The following MTUS2 variants were observed in gnomAD, a reference collection of about 807,000 sequenced individuals.
MTUS2 encodes the protein microtubule associated scaffold protein 2.
In MTUS2, 40 loss-of-function variants were observed where a neutral mutation model predicts 114.1. The ratio of observed to expected loss-of-function variants is 0.35; its 90% CI spans 0.27 to 0.46. The LOEUF (loss-of-function observed/expected upper bound fraction) is 0.46. Ranked by LOEUF, MTUS2 falls within the 20% of genes least tolerant of loss-of-function variation. MTUS2 has a pLI of 1.00. For synonymous variants in MTUS2, 688 were observed against 672.0 expected, an observed-to-expected ratio of 1.02 and a Z score of -0.37; for missense variants, 1,679 against 1,705.4, an observed-to-expected ratio of 0.98 and a Z score of 0.27.
intron 13 of MTUS2, chr13:29,497,850 A>G (rs1234988752): frequency 6.1e-6 from 1 of 164,088 alleles, no homozygotes; most frequent in African/African-American, 2.4e-5. Context: ...GTCCCATGCA[A>G]TACTTATACT....
At chr13:28,952,873 G>C (rs1489090402) in intron 2 of MTUS2, among the ~76,000 whole-genome samples, 2 of 152,160 alleles carry the variant, frequency 1.3e-5, no homozygotes, top group African/African-American at 4.8e-5. Context: ...ATTAGGAATA[G>C]TGGTATAATA....
chr13:29,115,980 C>G (rs1347154335), intron 5 of MTUS2, among the ~76,000 whole-genome samples: 2 of 152,160 alleles, frequency 1.3e-5, no homozygotes, highest in African/African-American at 4.8e-5. Flanking sequence ...CTAGACCAAC[C>G]AGGCATTATA....
At chr13:29,087,449 G>C (rs1018762545) in intron 4 of MTUS2, among the ~76,000 whole-genome samples, 6 of 152,152 alleles carry the variant, frequency 3.9e-5, no homozygotes, top group Non-Finnish European at 8.8e-5. Context: ...CAAGAATAAA[G>C]CCTACTTGAT....
intron 2 of MTUS2, among the ~76,000 whole-genome samples, chr13:29,003,736 TGGATGATACCCG>T (rs889165144): frequency 2.0e-5 from 3 of 152,170 alleles, no homozygotes; most frequent in African/African-American, 7.2e-5. Context: ...AGGAAGGCCA[TGGATGATACCCG>T]GGTGATAGAC....
intron 5 of MTUS2, among the ~76,000 whole-genome samples, chr13:29,200,189 C>T (rs1183227347): frequency 6.6e-6 from 1 of 151,756 alleles, no homozygotes; most frequent in Non-Finnish European, 1.5e-5. Context: ...TCTCTGTCTC[C>T]TTCAGTTCTG....
chr13:29,103,252 C>A (rs961167456), intron 5 of MTUS2, among the ~76,000 whole-genome samples: 2 of 152,186 alleles, frequency 1.3e-5, no homozygotes, highest in Non-Finnish European at 2.9e-5. Context: ...TGTTGTTAGG[C>A]AGTGTCATCG....
At chr13:29,187,880 C>T (rs139737634) in intron 5 of MTUS2, among the ~76,000 whole-genome samples, 32 of 152,192 alleles carry the variant, frequency 2.1e-4, no homozygotes, top group African/African-American at 7.7e-4. Context: ...ATAATGTGTC[C>T]CTTACCCAAA....
chr13:29,332,639 T>C (rs565431167), intron 7 of MTUS2, among the ~76,000 whole-genome samples: 6 of 95,834 alleles, frequency 6.3e-5, no homozygotes, highest in African/African-American at 1.3e-4. Flanking sequence ...AATTCTTTTT[T>C]TTTTTTTTTT....
chr13:29,408,914 C>T (rs1232383008), intron 8 of MTUS2, among the ~76,000 whole-genome samples: 1 of 152,206 alleles, frequency 6.6e-6, no homozygotes, highest in Non-Finnish European at 1.5e-5. Context: ...CGCAATTCCT[C>T]AGCAGTGAGA....
chr13:28,851,493 G>A (rs1345394354), intron 2 of MTUS2, among the ~76,000 whole-genome samples: 1 of 152,190 alleles, frequency 6.6e-6, no homozygotes, highest in Admixed American at 6.5e-5. Context: ...CTACAACATA[G>A]TGGGCACTAT....
At chr13:28,901,558 G>T (rs1446683758) in intron 2 of MTUS2, among the ~76,000 whole-genome samples, 4 of 152,176 alleles carry the variant, frequency 2.6e-5, no homozygotes, top group African/African-American at 9.6e-5. Flanking sequence ...GGCTTAGGTT[G>T]AGGTTCTTTC....
At chr13:29,225,553 A>T (rs1009996993) in intron 5 of MTUS2, among the ~76,000 whole-genome samples, 4 of 152,216 alleles carry the variant, frequency 2.6e-5, no homozygotes, top group African/African-American at 9.6e-5. Flanking sequence ...TTTAAGAAAG[A>T]TGATTAGAAA....
rs1897463357 is a variant in MTUS2 at position 29,261,312 on chromosome 13, A to G, written c.2645-20392A>G. Among the ~76,000 whole-genome samples the G allele has an allele frequency of 2.0e-5, 3 of 152,218 alleles. No homozygotes were observed. In the South Asian group the frequency reaches 6.2e-4, roughly 32 times the overall value. ...TAAGAGTGCAAGAAATCTCAACCAG[A>G]TGGTACAATCTGACTCCTTCTCGCA... is the stretch of plus-strand genomic sequence containing the variant. On this transcript the variant is annotated intron_variant, in intron 5 of 15. Coordinates refer to ENST00000612955, the MANE Select transcript of MTUS2 (RefSeq NM_001033602.4).
intron 8 of MTUS2, among the ~76,000 whole-genome samples, chr13:29,425,529 A>G (rs1397701589): frequency 6.6e-6 from 1 of 152,208 alleles, no homozygotes; most frequent in Non-Finnish European, 1.5e-5. Flanking sequence ...GGTGATGGGT[A>G]TATGAAGAAA....
intron 5 of MTUS2, among the ~76,000 whole-genome samples, chr13:29,220,409 T>C (rs942123365): frequency 2.0e-5 from 3 of 152,256 alleles, no homozygotes; most frequent in African/African-American, 7.2e-5. Flanking sequence ...TTGACATGCT[T>C]TCCTCACTAA....
At chr13:29,306,571 C>T (rs888431508) in intron 6 of MTUS2, among the ~76,000 whole-genome samples, 1 of 152,164 alleles carries the variant, frequency 6.6e-6, no homozygotes, top group Non-Finnish European at 1.5e-5. Flanking sequence ...CCTAGAAATA[C>T]AGCCAACAAG....
intron 8 of MTUS2, among the ~76,000 whole-genome samples, chr13:29,426,339 G>C (rs550742120): frequency 6.6e-6 from 1 of 152,292 alleles, no homozygotes; most frequent in African/African-American, 2.4e-5. Context: ...TTCAGTTTAC[G>C]AGGGATTTAT....
At chr13:29,310,370 A>G (rs900554161) in intron 6 of MTUS2, among the ~76,000 whole-genome samples, 3 of 152,216 alleles carry the variant, frequency 2.0e-5, no homozygotes, top group African/African-American at 7.2e-5. Context: ...TCCAACTTGA[A>G]AATAATTGAT....
chr13:29,178,446 G>A (rs183184729), intron 5 of MTUS2, among the ~76,000 whole-genome samples: 1 of 152,196 alleles, frequency 6.6e-6, no homozygotes, highest in Admixed American at 6.5e-5. Flanking sequence ...AGGAATTATG[G>A]TCTAAAGCAG....
Sources: allele counts gnomAD v4.1 joint callset (sites outside exome capture counted in the v4.1 genomes callset), GRCh38; gene constraint gnomAD v4.1.1; transcripts MANE v1.5; gene names NCBI Gene and HGNC (gene_info 2026-07-23, HGNC 2026-07-21).